USP46: variants seen among roughly 807,000 people sequenced by gnomAD.
The protein encoded by USP46 is ubiquitin specific peptidase 46.
In USP46, 12 loss-of-function variants were observed where a neutral mutation model predicts 44.4. The ratio of observed to expected loss-of-function variants is 0.27; its 90% CI spans 0.17 to 0.44. The LOEUF is 0.44. Among genes scored for constraint, USP46 ranks in the 20% least tolerant of loss-of-function variants. The pLI is 1.00. For synonymous variants in USP46, 155 were observed against 161.5 expected (o/e 0.96, Z 0.31); for missense variants, 248 against 444.8 (o/e 0.56, Z 3.98).
intron 1 of USP46, among the ~76,000 whole-genome samples, chr4:52,637,829 C>G (rs1437690953): frequency 6.6e-6 from 1 of 152,156 alleles, no homozygotes; most frequent in East Asian, 1.9e-4. Context: ...ATCTCCTGCC[C>G]CTCATCCCCT....
chr4:52,601,980 C>T lies in USP46; in HGVS notation c.797G>A (p.Arg266Lys), dbSNP rs1162788406. 5.0e-6 allele frequency: 8 copies of T among 1,613,992 alleles called. No homozygotes were observed. The South Asian group carries it at 5.5e-5, about 11-fold the overall frequency. ...CACACGGTAAGACAGCTTGGTGTATCTGTGCAGCTGCTCCATGTACTTGAA... is the reference window on the plus strand; with the variant it reads ...CACACGGTAAGACAGCTTGGTGTATTTGTGCAGCTGCTCCATGTACTTGAA... ...KRFKYMEQLHRYTKLSYRVVF... is the reference protein window; with the variant it reads ...KRFKYMEQLHKYTKLSYRVVF... The change falls in exon 7 of 9, where the codon AGA becomes AAA. Residue 266 changes from arginine to lysine, a missense_variant. Around this residue, in one of 5 missense-constraint regions of USP46, gnomAD observed 98 missense variants for 218.2 expected, o/e 0.45. Transcript: ENST00000441222.
chr4:52,637,163 C>G (rs1357266191), intron 1 of USP46, among the ~76,000 whole-genome samples: 1 of 152,126 alleles, frequency 6.6e-6, no homozygotes, highest in East Asian at 1.9e-4. Context: ...AATCACTCCT[C>G]GAAAAGCCCC....
chr4:52,632,948 GAA>G lies in USP46; in HGVS notation c.37-1806_37-1805del, dbSNP rs1336596387. Among the ~76,000 whole-genome samples the G allele has an allele frequency of 2.3e-3, 153 of 66,612 alleles. 2 individuals carry two copies. Among genetic ancestry groups the G allele is most frequent in the African/African-American group, 0.011 (137 of 12,890 alleles). 43.7% of individuals were successfully genotyped at this position (66,612 alleles called of 152,430 possible). ...AGAAAGAAAGAAAGAAAGAAAGAAA[GAA>G]AGAAAGAAAGAAAGAAAGAAAGAAA... On this transcript the variant is annotated intron_variant, in intron 1 of 8. Transcript: ENST00000441222.
chr4:52,653,109 G>C (rs1052517041), intron 1 of USP46, among the ~76,000 whole-genome samples: 1 of 152,008 alleles, frequency 6.6e-6, no homozygotes, highest in African/African-American at 2.4e-5. Context: ...TCCATGTACA[G>C]CACTTACAGC....
At position 52,659,012 on chromosome 4, in the gene USP46, C is replaced by T. The variant is rs976588141; in HGVS notation, c.36+103G>A. On this transcript the variant is annotated intron_variant, in intron 1 of 8. Coordinates refer to ENST00000441222, the MANE Select transcript of USP46 (RefSeq NM_022832.4). This position sits in a 1 kb window ranked among gnomAD's most constrained non-coding sequence, Gnocchi z 4.2. ...GGAACTTCTGGCGGCGCGGACCCCG[C>T]CGCCCCCGCCGCCCCAGCCACCGGG... The T allele has an allele frequency of 4.3e-6, 6 of 1,396,860 alleles. No homozygotes were observed. The Admixed American group carries it at 8.3e-5, about 19-fold the overall frequency. 86.5% of individuals were successfully genotyped at this position (1,396,860 alleles called of 1,614,324 possible). A position where few individuals can be genotyped will look rare whatever the true frequency, so the allele number is the denominator to read the frequency against.
intron 1 of USP46, among the ~76,000 whole-genome samples, chr4:52,633,676 A>T (rs1255634422): frequency 6.6e-6 from 1 of 152,192 alleles, no homozygotes; most frequent in Non-Finnish European, 1.5e-5. Context: ...TTTCTTTATG[A>T]TGTAGGAACA....
Position 52,659,097 on chromosome 4 carries a change from G to A in USP46, c.36+18C>T, listed in dbSNP as rs1249376604. 4.5e-6 allele frequency: 7 copies of A among 1,555,310 alleles called. No individual in the cohort carries two copies. The highest frequency in any genetic ancestry group is 2.4e-5 in the South Asian group (2 of 84,334). ...CGCCGCGAGTCGGGCGCGACCCCGA[G>A]GCGGCTCGGCCACTCACCATATTAC... On this transcript the variant is annotated intron_variant, in intron 1 of 8. Coordinates refer to ENST00000441222, the MANE Select transcript of USP46 (RefSeq NM_022832.4). This position sits in a 1 kb window ranked among gnomAD's most constrained non-coding sequence, Gnocchi z 4.2.
At chr4:52,653,835 AG>A (rs1170799213) in intron 1 of USP46, among the ~76,000 whole-genome samples, 1 of 152,132 alleles carries the variant, frequency 6.6e-6, no homozygotes, top group Non-Finnish European at 1.5e-5. Flanking sequence ...AAAGACCAGG[AG>A]GGGGAAAAAA....
At chr4:52,655,345 G>T (rs1391646751) in intron 1 of USP46, 1 of 152,188 alleles carries the variant, frequency 6.6e-6, no homozygotes, top group Non-Finnish European at 1.5e-5. Context: ...CACCAACATA[G>T]CAGGTCCTCA....
At chr4:52,615,803 A>G (rs373262086) in intron 4 of USP46, among the ~76,000 whole-genome samples, 1 of 152,370 alleles carries the variant, frequency 6.6e-6, no homozygotes, top group South Asian at 2.1e-4. Flanking sequence ...TACTGGTTAC[A>G]CAACTCAGCA....
In USP46 at chr4:52,632,990, A is replaced by AAAGAAAGAAAGAAAGAAAAGAAAAG; in HGVS notation, c.37-1847_37-1846insCTTTTCTTTTCTTTCTTTCTTTCTT. ...AAAGAAAGAAAGAAAGAAAGAAAAGAAAAGAAAGAAAGAAAGAAAGAAAGA... is the reference window on the plus strand; with the variant it reads ...AAAGAAAGAAAGAAAGAAAGAAAAGAAAGAAAGAAAGAAAGAAAAGAAAAGAAAGAAAGAAAGAAAGAAAGAAAGA... On this transcript the variant is annotated intron_variant, in intron 1 of 8. Coordinates refer to ENST00000441222, the MANE Select transcript of USP46 (RefSeq NM_022832.4). Among the ~76,000 whole-genome samples, 120 of 65,980 alleles carry AAAGAAAGAAAGAAAGAAAAGAAAAG rather than the reference A, an allele frequency of 1.8e-3. 1 individual carries two copies. Among genetic ancestry groups the AAAGAAAGAAAGAAAGAAAAGAAAAG allele is most frequent in the South Asian group, 2.4e-3 (4 of 1,670 alleles). The allele number at this position is 65,980 out of a possible 152,430, so 43.3% of individuals were successfully genotyped here.
At chr4:52,599,043 C>T (rs748010025) in intron 7 of USP46, among the ~76,000 whole-genome samples, 10 of 152,164 alleles carry the variant, frequency 6.6e-5, no homozygotes, top group Admixed American at 1.3e-4. Context: ...AACAAAGACC[C>T]CACTTACTTA....
chr4:52,620,921 G>C (rs1433433638), intron 4 of USP46, among the ~76,000 whole-genome samples: 1 of 152,168 alleles, frequency 6.6e-6, no homozygotes, highest in Non-Finnish European at 1.5e-5. Context: ...TCATGCAACA[G>C]AATACCATAC....
chr4:52,656,406 GAAGGAAGACTGGGAGGGACAGT>G, intron 1 of USP46: 1 of 831,774 alleles, frequency 1.2e-6, no homozygotes. Context: ...TCTCCTCTGG[GAAGGAAGACTGGGAGGGACAGT>G]GGGGGCGGTG....
chr4:52,613,649 G>A (rs948450986), intron 4 of USP46, among the ~76,000 whole-genome samples: 2 of 151,340 alleles, frequency 1.3e-5, no homozygotes, highest in African/African-American at 4.9e-5. Flanking sequence ...TTGAACCCAG[G>A]AGGCGGAGGT....
chr4:52,630,245 T>A (rs1214710247), intron 2 of USP46, among the ~76,000 whole-genome samples: 1 of 152,096 alleles, frequency 6.6e-6, no homozygotes, highest in African/African-American at 2.4e-5. Context: ...AGGTTACTGC[T>A]GAGTGCAAAA....
At chr4:52,613,161 G>A (rs1716998206) in intron 4 of USP46, among the ~76,000 whole-genome samples, 1 of 152,166 alleles carries the variant, frequency 6.6e-6, no homozygotes. Context: ...AGGGGGAAAT[G>A]CAGTCTTTCC....
chr4:52,629,467 C>A (rs1215265526), intron 2 of USP46, among the ~76,000 whole-genome samples: 1 of 152,166 alleles, frequency 6.6e-6, no homozygotes, highest in Non-Finnish European at 1.5e-5. Context: ...AGGGCAGAAT[C>A]CCCATGCCTT....
At position 52,626,112 on chromosome 4, in the gene USP46, T is replaced by C; in HGVS notation, c.467A>G (p.Glu156Gly). 2 of 1,613,992 alleles carry C rather than the reference T, an allele frequency of 1.2e-6. No homozygotes were observed. The highest frequency in any genetic ancestry group is 1.7e-6 in the Non-Finnish European group (2 of 1,179,876). ...TTCTGGTTTATTATTTTCCGCAGGT[T>C]CGTTCATGTTGCCATTTTTTAATTT... ...NGKLKNGNMN[E>G]PAENNKPELT... Residue 156 changes from glutamate to glycine, a missense_variant, in exon 4 of 9, where the codon GAA (glutamate) becomes GGA (glycine). Glu to Gly is a moderately conservative substitution (Grantham distance 98, BLOSUM62 -2). Around this residue, in one of 5 missense-constraint regions of USP46, gnomAD observed 37 missense variants for 30.6 expected, o/e 1.21. Coordinates refer to ENST00000441222, the MANE Select transcript of USP46 (RefSeq NM_022832.4).
Sources: gnomAD v4.1 joint callset for allele counts (sites outside exome capture counted in the v4.1 genomes callset) on GRCh38, gnomAD v4.1.1 for gene constraint, gnomAD v4.1.1 regional missense constraint, Gnocchi (gnomAD v3.1) non-coding constraint, MANE v1.5 for transcripts, NCBI Gene and HGNC (gene_info 2026-07-23, HGNC 2026-07-21) for gene names.